Variants in PCBP3 observed in about 807,000 individuals in gnomAD.
PCBP3 encodes poly(rC)-binding protein 3.
Under a neutral mutation model 52.7 loss-of-function variants are expected in PCBP3, and 25 were observed. The observed-to-expected ratio is 0.47, with a 90% CI of 0.35 to 0.66. The LOEUF is 0.66. Among genes scored for constraint, PCBP3 ranks in the 30% least tolerant of loss-of-function variants. The probability of loss-of-function intolerance (pLI) is 0.01; values close to 1 mark genes in which losing one functional copy is unlikely to be tolerated. For synonymous variants in PCBP3, 162 were observed against 183.0 expected (o/e 0.89, Z 0.93); for missense variants, 391 against 490.3 (o/e 0.80, Z 1.91).
intron 5 of PCBP3, among the ~76,000 whole-genome samples, chr21:45,894,918 A>G (rs1603474098): frequency 6.6e-6 from 1 of 152,276 alleles, no homozygotes; most frequent in Non-Finnish European, 1.5e-5. Context: ...TTACAAATTA[A>G]TACAAATACT....
chr21:45,816,980 A>G (rs2092984959), intron 4 of PCBP3, among the ~76,000 whole-genome samples: 1 of 152,094 alleles, frequency 6.6e-6, no homozygotes, highest in Non-Finnish European at 1.5e-5. Context: ...ACAGCGTTGC[A>G]GGGTGATGGG....
intron 4 of PCBP3, chr21:45,832,747 C>G (rs2093483185): frequency 6.6e-6 from 1 of 152,180 alleles, no homozygotes; most frequent in South Asian, 2.1e-4. Context: ...TAAAGACATA[C>G]CCAAGATTGG....
chr21:45,941,930 T>C lies in PCBP3; in HGVS notation c.*224T>C. On this transcript the variant is annotated 3_prime_UTR_variant, in exon 18 of 18. Coordinates refer to ENST00000681687, the MANE Select transcript of PCBP3 (RefSeq NM_001384156.1). ...TCCCCCCTCAGTGTTATTTTATTTA[T>C]GACTTACGCTCCCGTCTGCCCATGC... The C allele has an allele frequency of 2.4e-6, 1 of 425,120 alleles. No individual in the cohort carries two copies. The highest frequency in any genetic ancestry group is 4.4e-5 in the Admixed American group (1 of 22,846). 26.3% of individuals were successfully genotyped at this position (425,120 alleles called of 1,614,324 possible). A position where few individuals can be genotyped will look rare whatever the true frequency, so the allele number is the denominator to read the frequency against.
intron 4 of PCBP3, among the ~76,000 whole-genome samples, chr21:45,839,954 T>A (rs2093664898): frequency 6.6e-6 from 1 of 152,030 alleles, no homozygotes; most frequent in Non-Finnish European, 1.5e-5. Context: ...CCCAAAGTGC[T>A]GGGATTACAG....
intron 13 of PCBP3, among the ~76,000 whole-genome samples, chr21:45,923,678 A>G (rs1235005303): frequency 6.6e-6 from 1 of 152,252 alleles, no homozygotes; most frequent in East Asian, 1.9e-4. Context: ...TGGAGAGAGA[A>G]AATTCCAAGA....
chr21:45,857,858 G>T (rs2094360351), intron 5 of PCBP3, among the ~76,000 whole-genome samples: 1 of 152,186 alleles, frequency 6.6e-6, no homozygotes, highest in Admixed American at 6.5e-5. Flanking sequence ...TTGGACCCAT[G>T]AGCCCTGGAT....
At chr21:45,768,477 A>C (rs1012757816) in intron 4 of PCBP3, among the ~76,000 whole-genome samples, 2 of 152,232 alleles carry the variant, frequency 1.3e-5, no homozygotes, top group Non-Finnish European at 2.9e-5. Flanking sequence ...AGGGGTGTCA[A>C]AGCAGATGCA....
intron 5 of PCBP3, among the ~76,000 whole-genome samples, chr21:45,877,294 A>C (rs2095285644): frequency 6.6e-6 from 1 of 152,140 alleles, no homozygotes; most frequent in Non-Finnish European, 1.5e-5. Flanking sequence ...AGCTCGCCCT[A>C]CTGTGTTAGG....
rs1308562540 is a variant in PCBP3, at chr21:45,941,864, G to A, written c.*158G>A. ...GTATGCCATGGAGAAACACACCCGC[G>A]CACACAGCTGCTCTCTACAGAGGCT... On this transcript the variant is annotated 3_prime_UTR_variant, in exon 18 of 18. Transcript: ENST00000681687. 12 of 532,918 alleles carry A rather than the reference G, an allele frequency of 2.3e-5. No individual in the cohort carries two copies. The highest frequency in any genetic ancestry group is 1.4e-4 in the South Asian group (5 of 35,504). 33.0% of individuals were successfully genotyped at this position (532,918 alleles called of 1,614,324 possible).
intron 12 of PCBP3, 192 bp downstream of exon 12, chr21:45,914,217 CCA>C: frequency 1.2e-6 from 1 of 857,354 alleles, no homozygotes; most frequent in Non-Finnish European, 1.7e-6. Flanking sequence ...CGGCATTCCC[CCA>C]CAGAGACGGC....
chr21:45,774,868 T>C (rs1392858683), intron 4 of PCBP3, among the ~76,000 whole-genome samples: 2 of 152,232 alleles, frequency 1.3e-5, no homozygotes, highest in African/African-American at 4.8e-5. Context: ...AAATCTCACT[T>C]GATTATGGTG....
chr21:45,870,635 G>A lies in PCBP3; in HGVS notation c.10+20540G>A, dbSNP rs537742657. ...GTGATGAGGCCTGGCCCTGCACCCC[G>A]GGCTCTTCCTGTGCACAGCAGGGTT... On this transcript the variant is annotated intron_variant, in intron 5 of 17. Transcript: ENST00000681687. Among the ~76,000 whole-genome samples the A allele has an allele frequency of 3.3e-5, 5 of 152,294 alleles. No homozygotes were observed. The South Asian group carries it at 6.2e-4, about 19-fold the overall frequency.
At chr21:45,688,708 A>G (rs2082294482) in intron 2 of PCBP3, among the ~76,000 whole-genome samples, 1 of 152,068 alleles carries the variant, frequency 6.6e-6, no homozygotes. Flanking sequence ...AAATTAATAA[A>G]CCTTTGGCTC....
intron 4 of PCBP3, among the ~76,000 whole-genome samples, chr21:45,784,224 G>C (rs2090865623): frequency 6.6e-6 from 1 of 152,094 alleles, no homozygotes. Context: ...AAAATTTAAG[G>C]TGTTTTGATT....
chr21:45,912,944 G>A (rs1603499833), intron 11 of PCBP3, among the ~76,000 whole-genome samples: 1 of 152,340 alleles, frequency 6.6e-6, no homozygotes, highest in East Asian at 1.9e-4. Flanking sequence ...GGGGCTTTGA[G>A]TGTGAGTGGC....
intron 4 of PCBP3, among the ~76,000 whole-genome samples, chr21:45,756,674 C>A (rs1442545341): frequency 6.6e-6 from 1 of 152,200 alleles, no homozygotes; most frequent in South Asian, 2.1e-4. Context: ...ACCCCAGGAG[C>A]AGTCACTCCC....
chr21:45,769,552 G>A (rs985339270), intron 4 of PCBP3, among the ~76,000 whole-genome samples: 3 of 152,270 alleles, frequency 2.0e-5, no homozygotes, highest in Admixed American at 2.0e-4. Context: ...GCCTATCCAG[G>A]CCGGTCTTGT....
chr21:45,907,917 G>T (rs1251342492), intron 9 of PCBP3, among the ~76,000 whole-genome samples: 1 of 152,022 alleles, frequency 6.6e-6, no homozygotes, highest in Admixed American at 6.6e-5. Flanking sequence ...CGAGCCTGGG[G>T]GTCTGGTTTG....
chr21:45,872,489 T>G (rs932375399), intron 5 of PCBP3: 1 of 152,296 alleles, frequency 6.6e-6, no homozygotes, highest in South Asian at 2.1e-4. Context: ...TGTGTTTTGG[T>G]AAATTGTCTT....
Sources: gnomAD v4.1 joint callset for allele counts (sites outside exome capture counted in the v4.1 genomes callset) on GRCh38, gnomAD v4.1.1 for gene constraint, MANE v1.5 for transcripts, NCBI Gene and HGNC (gene_info 2026-07-23, HGNC 2026-07-21) for gene names.